Variants in IQGAP2 observed in about 807,000 individuals in gnomAD.
IQGAP2 encodes the protein IQ motif containing GTPase activating protein 2, also known as ras GTPase-activating-like protein IQGAP2.
IQGAP2 carries 173 observed loss-of-function variants against 201.3 expected under a neutral mutation model. The ratio of observed to expected loss-of-function variants is 0.86; its 90% CI spans 0.76 to 0.98. The LOEUF is 0.98. Ranked by LOEUF, IQGAP2 falls within the 50% of genes least tolerant of loss-of-function variation. The probability of loss-of-function intolerance (pLI) is 0.00; values close to 1 mark genes in which losing one functional copy is unlikely to be tolerated. For synonymous variants in IQGAP2, 675 were observed against 673.9 expected, an observed-to-expected ratio of 1.00 and a Z score of -0.03; for missense variants, 1,687 against 1,864.8, an observed-to-expected ratio of 0.90 and a Z score of 1.76.
At chr5:76,487,246 C>T (rs1756217247) in intron 2 of IQGAP2, among the ~76,000 whole-genome samples, 1 of 151,888 alleles carries the variant, frequency 6.6e-6, no homozygotes, top group African/African-American at 2.4e-5. Flanking sequence ...TTACAGGTGC[C>T]CACCACCACG....
chr5:76,471,034 A>G (rs1755066620), intron 2 of IQGAP2, among the ~76,000 whole-genome samples: 2 of 152,200 alleles, frequency 1.3e-5, no homozygotes, highest in South Asian at 4.1e-4. Context: ...ATGAAAATGA[A>G]TCTGTTTTAA....
At chr5:76,405,316 C>T (rs1191436529) in intron 1 of IQGAP2, among the ~76,000 whole-genome samples, 2 of 152,216 alleles carry the variant, frequency 1.3e-5, no homozygotes, top group Non-Finnish European at 2.9e-5. Flanking sequence ...CTGAAGCCCA[C>T]TCCACAGGGC....
At chr5:76,468,216 T>C (rs1374467980) in intron 2 of IQGAP2, among the ~76,000 whole-genome samples, 1 of 152,182 alleles carries the variant, frequency 6.6e-6, no homozygotes, top group Non-Finnish European at 1.5e-5. Context: ...AGCAGATACA[T>C]TGCATATAGA....
intron 1 of IQGAP2, among the ~76,000 whole-genome samples, chr5:76,407,574 T>G (rs1750866130): frequency 1.3e-5 from 2 of 152,240 alleles, no homozygotes; most frequent in Admixed American, 1.3e-4. Context: ...AAAGTCAAGC[T>G]GCTCCCTCAT....
Position 76,693,352 on chromosome 5 carries a change from A to C in IQGAP2, c.3906-3A>C. ...AGTCTGTCTCTTTCTCTGGTTTGTTAAGGACCAAGAAGCTGATAATTGATG... is the reference window on the plus strand; with the variant it reads ...AGTCTGTCTCTTTCTCTGGTTTGTTCAGGACCAAGAAGCTGATAATTGATG... On this transcript the variant is annotated splice_polypyrimidine_tract_variant and splice_region_variant and intron_variant, in intron 30 of 35. Transcript: ENST00000274364. 1 of 1,608,858 alleles carries C rather than the reference A, an allele frequency of 6.2e-7. No individual in the cohort carries two copies. The highest frequency in any genetic ancestry group is 1.3e-5 in the African/African-American group (1 of 74,796).
At position 76,659,008 on chromosome 5, in the gene IQGAP2, T is replaced by A. The variant is rs942065104; in HGVS notation, c.2529+341T>A. The stretch of plus-strand genomic sequence containing the variant: ...GTAAAAATATAGTACTATAATCTTA[T>A]AGGACTTATGTCTTATATGAGGTCC... On this transcript the variant is annotated intron_variant, in intron 21 of 35. Transcript: ENST00000274364. Among the ~76,000 whole-genome samples the A allele has an allele frequency of 2.0e-5, 3 of 152,218 alleles. No individual in the cohort carries two copies. In the East Asian group the frequency reaches 5.8e-4, roughly 29 times the overall value.
intron 3 of IQGAP2, among the ~76,000 whole-genome samples, chr5:76,565,408 T>C (rs1213426286): frequency 6.6e-6 from 1 of 152,134 alleles, no homozygotes; most frequent in African/African-American, 2.4e-5. Flanking sequence ...CCCCTTCTCT[T>C]TGTCAGCTTA....
chr5:76,654,930 G>A lies in IQGAP2; in HGVS notation c.2251-4G>A, dbSNP rs1348909951. 3 of 1,603,888 alleles carry A rather than the reference G, an allele frequency of 1.9e-6. No homozygotes were observed. The highest frequency in any genetic ancestry group is 2.6e-6 in the Non-Finnish European group (3 of 1,171,030). The stretch of plus-strand genomic sequence containing the variant: ...AGATCAAGACTTGTCTTAATCTTTT[G>A]CAGAATAATGAAATTGTGAAAATAC... On this transcript the variant is annotated splice_region_variant and splice_polypyrimidine_tract_variant and intron_variant, in intron 19 of 35. Coordinates refer to ENST00000274364, the MANE Select transcript of IQGAP2 (RefSeq NM_006633.5).
At chr5:76,456,203 T>A (rs531681081) in intron 1 of IQGAP2, among the ~76,000 whole-genome samples, 14 of 152,206 alleles carry the variant, frequency 9.2e-5, no homozygotes, top group African/African-American at 3.4e-4. Flanking sequence ...CTGTGCTCAG[T>A]GTCTCATAAT....
chr5:76,440,497 A>C (rs1450193601), intron 1 of IQGAP2, among the ~76,000 whole-genome samples: 1 of 152,240 alleles, frequency 6.6e-6, no homozygotes, highest in Non-Finnish European at 1.5e-5. Context: ...TGAAATGAGC[A>C]TAGAGCTTCT....
At position 76,512,131 on chromosome 5, in the gene IQGAP2, T is replaced by G. The variant is rs147982327; in HGVS notation, c.147-50265T>G. Among the ~76,000 whole-genome samples, 4 of 152,240 alleles carry G rather than the reference T, an allele frequency of 2.6e-5. No homozygotes were observed. In the South Asian group the frequency reaches 8.3e-4, roughly 32 times the overall value. On this transcript the variant is annotated intron_variant, in intron 2 of 35. Coordinates refer to ENST00000274364, the MANE Select transcript of IQGAP2 (RefSeq NM_006633.5). ...TTGCAGTAACAGGGAAACTGAGAGA[T>G]AGGGGTGTGTCAGAGTTTGAAAGAC...
intron 6 of IQGAP2, 41 bp from the exon 7 acceptor site, chr5:76,589,574 C>T: frequency 8.8e-7 from 1 of 1,140,374 alleles, no homozygotes; most frequent in Non-Finnish European, 1.3e-6. Context: ...CTGTCTGTAG[C>T]TTTCTCTGAT....
intron 4 of IQGAP2, among the ~76,000 whole-genome samples, chr5:76,575,052 T>G (rs1490542614): frequency 1.3e-5 from 2 of 152,122 alleles, no homozygotes; most frequent in Admixed American, 1.3e-4. Context: ...CACATATATA[T>G]AAACCTAAAA....
intron 2 of IQGAP2, among the ~76,000 whole-genome samples, chr5:76,552,124 A>G (rs560462970): frequency 2.0e-5 from 3 of 152,328 alleles, no homozygotes; most frequent in Admixed American, 2.0e-4. Context: ...GAAGGATAAT[A>G]CATGCTCACA....
At chr5:76,574,504 A>G (rs1745335551) in intron 4 of IQGAP2, among the ~76,000 whole-genome samples, 1 of 95,868 alleles carries the variant, frequency 1.0e-5, no homozygotes. Flanking sequence ...TCCTGACCTC[A>G]GGTGATCGCC....
intron 2 of IQGAP2, among the ~76,000 whole-genome samples, chr5:76,531,882 C>G (rs1264785705): frequency 6.6e-6 from 1 of 152,132 alleles, no homozygotes; most frequent in Non-Finnish European, 1.5e-5. Flanking sequence ...ATTCAGGAGA[C>G]TGGGAAGTCC....
chr5:76,550,486 C>T (rs992747716), intron 2 of IQGAP2, among the ~76,000 whole-genome samples: 2 of 151,850 alleles, frequency 1.3e-5, no homozygotes, highest in African/African-American at 2.4e-5. Context: ...TTTTCCTAGG[C>T]AGAGGACCCT....
intron 1 of IQGAP2, among the ~76,000 whole-genome samples, chr5:76,423,666 A>G (rs144157825): frequency 3.3e-5 from 5 of 152,362 alleles, no homozygotes; most frequent in African/African-American, 1.2e-4. Flanking sequence ...CTGAGAAGTC[A>G]TCACAAAAAC....
At chr5:76,453,894 C>T (rs1023302060) in intron 1 of IQGAP2, among the ~76,000 whole-genome samples, 1 of 152,120 alleles carries the variant, frequency 6.6e-6, no homozygotes, top group Non-Finnish European at 1.5e-5. Context: ...AGAAGCTTAT[C>T]CAAACTAAAG....
Sources: allele counts gnomAD v4.1 joint callset (sites outside exome capture counted in the v4.1 genomes callset), GRCh38; gene constraint gnomAD v4.1.1; transcripts MANE v1.5; gene names NCBI Gene and HGNC (gene_info 2026-07-23, HGNC 2026-07-21).